MICAL3: variants seen among roughly 807,000 people sequenced by gnomAD.
The protein encoded by MICAL3 is [F-actin]-monooxygenase MICAL3.
In MICAL3, 62 loss-of-function variants were observed where a neutral mutation model predicts 207.4. That is an observed-to-expected ratio of 0.30 (90% confidence interval 0.24 to 0.37). The LOEUF (loss-of-function observed/expected upper bound fraction) is 0.37, where lower values mean the gene tolerates loss of function less well. Among genes scored for constraint, MICAL3 ranks in the 10% least tolerant of loss-of-function variants. MICAL3 has a pLI of 1.00. For missense variants in MICAL3, 2,368 were observed against 2,635.6 expected (o/e 0.90, Z 2.22); for synonymous variants, 1,077 against 1,069.3 (o/e 1.01, Z -0.14).
rs1328704287 is a variant in MICAL3 at position 18,024,559 on chromosome 22, G to A, written c.-353C>T. 1.3e-5 allele frequency: 2 copies of A among 151,794 alleles called. No homozygotes were observed. The highest frequency in any genetic ancestry group is 4.8e-5 in the African/African-American group (2 of 41,400). The allele number at this position is 151,794 out of a possible 1,614,324, so 9.4% of individuals were successfully genotyped here. A position where few individuals can be genotyped will look rare whatever the true frequency, so the allele number is the denominator to read the frequency against. The stretch of plus-strand genomic sequence containing the variant: ...CGCCGGGGCTGCAGGAGCGCGCGCT[G>A]CTGGCTGGGCGGGCTGCGGCTCCGC... On this transcript the variant is annotated 5_prime_UTR_variant, in exon 1 of 32. Coordinates refer to ENST00000441493, the MANE Select transcript of MICAL3 (RefSeq NM_015241.3).
chr22:17,866,134 G>T (rs1469399942), intron 17 of MICAL3, 122 bp from the exon 18 acceptor site: 3 of 729,920 alleles, frequency 4.1e-6, no homozygotes, highest in Non-Finnish European at 7.3e-6. Context: ...AAGCCACCCA[G>T]CCTTCCCTGG....
intron 1 of MICAL3, among the ~76,000 whole-genome samples, chr22:17,947,486 C>T (rs1934129554): frequency 6.6e-6 from 1 of 152,214 alleles, no homozygotes; most frequent in African/African-American, 2.4e-5. Context: ...ACAGTGAATT[C>T]TGCTCATTCT....
intron 28 of MICAL3, 151 bp downstream of exon 28, chr22:17,810,552 C>T (rs1259528341): frequency 3.2e-6 from 2 of 617,918 alleles, no homozygotes; most frequent in East Asian, 2.9e-5. Flanking sequence ...TGTGGCTGCA[C>T]CAGCCAAAGG....
At chr22:17,955,488 C>T (rs1389020853) in intron 1 of MICAL3, among the ~76,000 whole-genome samples, 1 of 152,194 alleles carries the variant, frequency 6.6e-6, no homozygotes, top group Non-Finnish European at 1.5e-5. Context: ...ATGGGCCGTA[C>T]TTAGCCAAGG....
intron 1 of MICAL3, among the ~76,000 whole-genome samples, chr22:17,950,276 C>T (rs1415070316): frequency 6.6e-6 from 1 of 150,924 alleles, no homozygotes; most frequent in East Asian, 1.9e-4. Context: ...ATTCTTGTAC[C>T]TTGGCCTCTC....
chr22:17,835,745 C>T (rs1923291657), intron 20 of MICAL3, among the ~76,000 whole-genome samples: 1 of 152,226 alleles, frequency 6.6e-6, no homozygotes, highest in Admixed American at 6.5e-5. Flanking sequence ...TTGCCCTCCT[C>T]ACAGGATCTG....
chr22:17,836,157 A>T (rs1279223372), intron 20 of MICAL3, among the ~76,000 whole-genome samples: 1 of 152,240 alleles, frequency 6.6e-6, no homozygotes, highest in African/African-American at 2.4e-5. Context: ...TCCAACAGGC[A>T]CATGCACTTG....
rs1569078290 is a variant in MICAL3 at position 17,818,400 on chromosome 22, C to T, written c.4261G>A (p.Glu1421Lys). 6.2e-7 allele frequency: 1 copy of T among 1,611,094 alleles called. No homozygotes were observed. The highest frequency in any genetic ancestry group is 8.5e-7 in the Non-Finnish European group (1 of 1,179,718). Residue 1421 changes from glutamate to lysine, a missense_variant, in exon 26 of 32, where the codon GAG becomes AAG. Glu to Lys is a moderately conservative substitution (Grantham distance 56). This residue lies in a region of MICAL3 where 1,770 missense variants were observed against 1,863.2 expected (regional missense o/e 0.95). Coordinates refer to ENST00000441493, the MANE Select transcript of MICAL3 (RefSeq NM_015241.3). ...ELRSAQEERR[E>K]LSSSSGLGLH... ...CCCAGGCCAGAGCTGCTGGACAGCT[C>T]CCTGCGCTCCTCCTGGGCGCTGCGT...
intron 20 of MICAL3, chr22:17,834,617 G>A: frequency 9.1e-7 from 1 of 1,095,548 alleles, no homozygotes; most frequent in Non-Finnish European, 1.1e-6. Flanking sequence ...GGGAGGAAAG[G>A]TGTACGCACA....
intron 22 of MICAL3, chr22:17,826,496 G>A (rs1400970098): frequency 1.4e-5 from 14 of 985,826 alleles, no homozygotes; most frequent in South Asian, 9.4e-5. Context: ...GCCGCGTGGC[G>A]TATGGAGGGA....
chr22:17,827,910 A>C lies in MICAL3; in HGVS notation c.3056-129T>G, dbSNP rs1409477078. On this transcript the variant is annotated intron_variant, in intron 21 of 31. Transcript: ENST00000441493. ...CAGTATGAATCAGAAAGAAGTAAAA[A>C]TTAAGAACATGTATGCACATGTATA... 1.6e-5 allele frequency: 15 copies of C among 967,400 alleles called. No homozygotes were observed. The Admixed American group carries it at 1.8e-4, about 12-fold the overall frequency. The allele number at this position is 967,400 out of a possible 1,614,324, so 59.9% of individuals were successfully genotyped here.
At chr22:18,002,706 C>T (rs1430536664) in intron 1 of MICAL3, among the ~76,000 whole-genome samples, 1 of 152,132 alleles carries the variant, frequency 6.6e-6, no homozygotes, top group Non-Finnish European at 1.5e-5. Flanking sequence ...GTAAGTACAA[C>T]CCTCGGCCTC....
intron 17 of MICAL3, among the ~76,000 whole-genome samples, chr22:17,869,886 C>T (rs1025079867): frequency 2.6e-5 from 4 of 152,198 alleles, no homozygotes; most frequent in Non-Finnish European, 5.9e-5. Flanking sequence ...TGTGTTGGGG[C>T]GCAGCACAAG....
chr22:17,911,063 T>A (rs528809903), intron 1 of MICAL3, among the ~76,000 whole-genome samples: 93 of 152,304 alleles, frequency 6.1e-4, no homozygotes, highest in South Asian at 1.7e-3. Context: ...CAGGCATCTG[T>A]GAGTCTCTGC....
intron 19 of MICAL3, among the ~76,000 whole-genome samples, chr22:17,849,262 C>T (rs929095551): frequency 5.3e-5 from 8 of 152,232 alleles, no homozygotes; most frequent in African/African-American, 1.9e-4. Context: ...TGTTGAATAA[C>T]ATGTCCAAAG....
At position 17,817,852 on chromosome 22, in the gene MICAL3, G is replaced by A. The variant is rs558369380; in HGVS notation, c.4809C>T (p.Ser1603=). The A allele has an allele frequency of 1.7e-5, 27 of 1,612,166 alleles. No homozygotes were observed. The South Asian group carries it at 2.0e-4, about 12-fold the overall frequency. The change falls in exon 26 of 32, where the codon TCC becomes TCT. Residue 1603 remains serine (S), a synonymous_variant. Transcript: ENST00000441493. Reference sequence around the variant, plus strand: ...CGTCCCGCAGCGCCTGGCTCTTCACGGACTTCTCCCTGGCTCGCATGCGCT... The same window carrying A: ...CGTCCCGCAGCGCCTGGCTCTTCACAGACTTCTCCCTGGCTCGCATGCGCT... ...AEERMRAREK[S]VKSQALRDAM... is the part of the protein sequence containing the mutation.
intron 1 of MICAL3, among the ~76,000 whole-genome samples, chr22:17,958,246 C>A (rs866516634): frequency 9.2e-5 from 14 of 152,292 alleles, no homozygotes; most frequent in Middle Eastern, 6.8e-3. Context: ...CTGTCCATTA[C>A]CTCATTGGCC....
intron 1 of MICAL3, among the ~76,000 whole-genome samples, chr22:17,942,591 C>T (rs373926011): frequency 3.9e-5 from 6 of 152,346 alleles, no homozygotes; most frequent in African/African-American, 1.4e-4. Context: ...AAGACAGTCG[C>T]CAGCAGATCC....
At chr22:17,998,223 G>A (rs770506293) in intron 1 of MICAL3, among the ~76,000 whole-genome samples, 7 of 152,112 alleles carry the variant, frequency 4.6e-5, no homozygotes, top group South Asian at 2.1e-4. Flanking sequence ...AGAATCGCTC[G>A]AACCCAGGAG....
Sources: allele counts gnomAD v4.1 joint callset (sites outside exome capture counted in the v4.1 genomes callset), GRCh38; gene constraint gnomAD v4.1.1; regional missense constraint gnomAD v4.1.1; transcripts MANE v1.5; gene names NCBI Gene and HGNC (gene_info 2026-07-23, HGNC 2026-07-21).